Variants in IQGAP1 observed in about 807,000 individuals in gnomAD.
The protein encoded by IQGAP1 is ras GTPase-activating-like protein IQGAP1.
A neutral mutation model predicts 215.6 loss-of-function variants in IQGAP1; 66 were observed. The ratio of observed to expected loss-of-function variants is 0.31; its 90% confidence interval spans 0.25 to 0.38. The LOEUF (loss-of-function observed/expected upper bound fraction) is 0.38. Among genes scored for constraint, IQGAP1 ranks in the 10% least tolerant of loss-of-function variants. The pLI is 1.00. For synonymous variants in IQGAP1, 772 were observed against 728.7 expected (o/e 1.06, Z -0.96); for missense variants, 1,712 against 1,997.1 (o/e 0.86, Z 2.72).
chr15:90,438,861 A>C (rs1340760615), intron 5 of IQGAP1, among the ~76,000 whole-genome samples: 1 of 151,866 alleles, frequency 6.6e-6, no homozygotes, highest in Admixed American at 6.6e-5. Context: ...AATAGCTGGG[A>C]TTACAGGCAC....
At position 90,484,289 on chromosome 15, in the gene IQGAP1, T is replaced by A. The variant is rs751340887; in HGVS notation, c.3858T>A (p.Asp1286Glu). Residue 1286 changes from aspartate to glutamate, a missense_variant, in exon 30 of 38, where the codon GAT becomes GAA. Asp to Glu is a conservative substitution (Grantham distance 45, BLOSUM62 2). Around this residue, in one of 2 missense-constraint regions of IQGAP1, gnomAD observed 691 missense variants for 923.0 expected, o/e 0.75. Coordinates refer to ENST00000268182, the MANE Select transcript of IQGAP1 (RefSeq NM_003870.4). ...AATTTAATGTGGATGAGTACTCTGA[T>A]TTAGTAACCCTCACCAAACCAGTAA... ...QDKFNVDEYSDLVTLTKPVIY... is the reference protein window; with the variant it reads ...QDKFNVDEYSELVTLTKPVIY... 2.5e-6 allele frequency: 4 copies of A among 1,612,812 alleles called. No homozygotes were observed. The African/African-American group carries it at 5.3e-5, about 22-fold the overall frequency.
rs760135487 is a variant in IQGAP1 at position 90,452,863 on chromosome 15, G to C, written c.1251G>C (p.Gln417His). The change falls in exon 12 of 38, where the codon CAG becomes CAC. Residue 417 changes from glutamine (Q) to histidine (H), a missense_variant. By Grantham distance (24) the Gln-to-His change is conservative. Transcript: ENST00000268182. ...TGGAACTGATGAATCCCGAAGCCCA[G>C]CTGCCCCAGGTGTATCCATTTGCCG... ...TVLELMNPEA[Q>H]LPQVYPFAAD... 1 of 1,614,128 alleles carries C rather than the reference G, an allele frequency of 6.2e-7. No homozygotes were observed. Among genetic ancestry groups the C allele is most frequent in the Non-Finnish European group, 8.5e-7 (1 of 1,180,020 alleles).
chr15:90,491,575 G>T, intron 34 of IQGAP1, 30 bp downstream of exon 34: 1 of 1,586,596 alleles, frequency 6.3e-7, no homozygotes, highest in Non-Finnish European at 8.7e-7. Flanking sequence ...GAGGGGACCC[G>T]GCCTTGTTCA....
chr15:90,455,059 A>T (rs566432721), intron 14 of IQGAP1, among the ~76,000 whole-genome samples: 6 of 152,336 alleles, frequency 3.9e-5, no homozygotes, highest in African/African-American at 1.4e-4. Flanking sequence ...AAATATGTAA[A>T]TCAGGATCAG....
intron 5 of IQGAP1, among the ~76,000 whole-genome samples, chr15:90,435,008 AT>A (rs1454382527): frequency 1.3e-5 from 2 of 152,200 alleles, no homozygotes; most frequent in Non-Finnish European, 2.9e-5. Flanking sequence ...CTAAGTGTTA[AT>A]TACATTGGAG....
chr15:90,441,393 G>T, intron 7 of IQGAP1, 113 bp from the exon 8 acceptor site: 1 of 879,102 alleles, frequency 1.1e-6, no homozygotes, highest in East Asian at 2.6e-5. Context: ...TCTGTGAAAA[G>T]GAGCCTCTGT....
chr15:90,463,187 C>G (rs1459431092), intron 15 of IQGAP1, among the ~76,000 whole-genome samples: 1 of 152,144 alleles, frequency 6.6e-6, no homozygotes, highest in African/African-American at 2.4e-5. Context: ...TACTATTGCT[C>G]TATTGCTTAT....
chr15:90,478,852 G>T lies in IQGAP1; in HGVS notation c.3329+963G>T, dbSNP rs139776647. On this transcript the variant is annotated intron_variant, in intron 26 of 37. Transcript: ENST00000268182. ...GTGGAGTGAGCTTCCCTGAAATATCGTGAGTTGGGCTAATTAAATTAACGT... is the reference window on the plus strand; with the variant it reads ...GTGGAGTGAGCTTCCCTGAAATATCTTGAGTTGGGCTAATTAAATTAACGT... Among the ~76,000 whole-genome samples, 3 of 152,282 alleles carry T rather than the reference G, an allele frequency of 2.0e-5. No individual in the cohort carries two copies. In the East Asian group the frequency reaches 5.8e-4, roughly 29 times the overall value.
chr15:90,395,757 A>C, intron 2 of IQGAP1, among the ~76,000 whole-genome samples: 1 of 152,234 alleles, frequency 6.6e-6, no homozygotes, highest in East Asian at 1.9e-4. Flanking sequence ...GTTCAGGTGA[A>C]AAGAACCAAG....
chr15:90,494,909 A>G, intron 36 of IQGAP1, 74 bp downstream of exon 36: 1 of 1,110,736 alleles, frequency 9.0e-7, no homozygotes, highest in Non-Finnish European at 1.3e-6. Flanking sequence ...TTTTGTCTTC[A>G]TTTCTCTTTT....
intron 11 of IQGAP1, among the ~76,000 whole-genome samples, chr15:90,450,017 G>T (rs75652738): frequency 1.7e-4 from 26 of 152,252 alleles, no homozygotes; most frequent in Non-Finnish European, 3.2e-4. Flanking sequence ...GAACATTCCA[G>T]TTCTTCTGTT....
chr15:90,406,860 TG>T (rs1469428935), intron 2 of IQGAP1, among the ~76,000 whole-genome samples: 1 of 152,102 alleles, frequency 6.6e-6, no homozygotes, highest in Non-Finnish European at 1.5e-5. Context: ...GTAGCGTTAG[TG>T]GGAATAACGT....
intron 9 of IQGAP1, among the ~76,000 whole-genome samples, chr15:90,447,383 A>G (rs1305611956): frequency 6.6e-6 from 1 of 151,524 alleles, no homozygotes; most frequent in Non-Finnish European, 1.5e-5. Context: ...CCTACTTCCC[A>G]TTTTCTAGTT....
Position 90,487,563 on chromosome 15 carries a change from C to T in IQGAP1, c.4229C>T (p.Thr1410Ile). The T allele has an allele frequency of 6.2e-7, 1 of 1,613,418 alleles. No homozygotes were observed. Among genetic ancestry groups the T allele is most frequent in the South Asian group, 1.1e-5 (1 of 91,060 alleles). The change falls in exon 33 of 38, where the codon ACA becomes ATA. Residue 1410 changes from threonine to isoleucine, a missense_variant. Physicochemically the swap from Thr to Ile is moderately conservative, Grantham distance 89. Transcript: ENST00000268182. ...GAGACCTTGACTGAAATCCTAGAAACACCAGCCACCAGTGAACAGGTAAAA... is the reference window on the plus strand; with the variant it reads ...GAGACCTTGACTGAAATCCTAGAAATACCAGCCACCAGTGAACAGGTAAAA... Reference protein sequence around the residue: ...PGETLTEILETPATSEQEAEH... With the variant: ...PGETLTEILEIPATSEQEAEH...
rs1487380081 is a variant in IQGAP1, at chr15:90,494,909, A to T, written c.4751+74A>T. 2.6e-5 allele frequency: 29 copies of T among 1,110,616 alleles called. No homozygotes were observed. In the East Asian group the frequency reaches 7.2e-4, roughly 27 times the overall value. 68.8% of individuals were successfully genotyped at this position (1,110,616 alleles called of 1,614,324 possible). ...ATCACATCTTTGCCTTTTTGTCTTC[A>T]TTTCTCTTTTCTGGATGGTTACTTT... On this transcript the variant is annotated intron_variant, in intron 36 of 37. Coordinates refer to ENST00000268182, the MANE Select transcript of IQGAP1 (RefSeq NM_003870.4).
intron 15 of IQGAP1, among the ~76,000 whole-genome samples, chr15:90,460,349 C>T (rs1370082093): frequency 6.6e-6 from 1 of 152,000 alleles, no homozygotes; most frequent in African/African-American, 2.4e-5. Flanking sequence ...GTCAAGTTGT[C>T]AGAGCTCTCC....
chr15:90,486,192 T>A, intron 31 of IQGAP1, 60 bp downstream of exon 31: 1 of 1,142,290 alleles, frequency 8.8e-7, no homozygotes, highest in East Asian at 2.5e-5. Flanking sequence ...AGTGTTGTAA[T>A]TGTCACCTCC....
intron 15 of IQGAP1, 130 bp from the exon 16 acceptor site, chr15:90,465,871 C>T (rs1187912621): frequency 5.5e-6 from 4 of 724,278 alleles, no homozygotes; most frequent in Non-Finnish European, 9.6e-6. Context: ...ATTTGACTAA[C>T]CCACGTGTCT....
chr15:90,500,006 G>T lies in IQGAP1; in HGVS notation c.4872G>T (p.Gln1624His). The T allele has an allele frequency of 6.3e-7, 1 of 1,595,094 alleles. No individual in the cohort carries two copies. The highest frequency in any genetic ancestry group is 8.6e-7 in the Non-Finnish European group (1 of 1,162,804). ...TGTTTTGTTAATAGGACCTGCTGCA[G>T]CTACAGTATGAAGGAGTTGCAGTCA... is the stretch of plus-strand genomic sequence containing the variant. ...TFMLHYQDLL[Q>H]LQYEGVAVMK... The change falls in exon 38 of 38, where the codon CAG (glutamine) becomes CAT (histidine). Residue 1624 changes from glutamine to histidine, a missense_variant. Physicochemically the swap from Gln to His is conservative, Grantham distance 24. Transcript: ENST00000268182.
Sources: gnomAD v4.1 joint callset for allele counts (sites outside exome capture counted in the v4.1 genomes callset) on GRCh38, gnomAD v4.1.1 for gene constraint, gnomAD v4.1.1 regional missense constraint, MANE v1.5 for transcripts, NCBI Gene and HGNC (gene_info 2026-07-23, HGNC 2026-07-21) for gene names.